Variants in TTC3 observed in about 807,000 individuals in gnomAD.
TTC3 encodes E3 ubiquitin-protein ligase TTC3.
Under a neutral mutation model 249.6 loss-of-function variants are expected in TTC3, and 180 were observed. That is an observed-to-expected ratio of 0.72 (90% CI 0.64 to 0.82). The LOEUF is 0.82. Among genes scored for constraint, TTC3 ranks in the 40% least tolerant of loss-of-function variants. The pLI is 0.00. For synonymous variants in TTC3, 717 were observed against 805.0 expected (o/e 0.89, Z 1.85); for missense variants, 2,061 against 2,398.4 (o/e 0.86, Z 2.94).
chr21:37,136,099 T>C (rs1569018398), intron 18 of TTC3, among the ~76,000 whole-genome samples: 1 of 152,008 alleles, frequency 6.6e-6, no homozygotes, highest in African/African-American at 2.4e-5. Flanking sequence ...ACTTAATAAA[T>C]TGTGTGTGTG....
intron 39 of TTC3, among the ~76,000 whole-genome samples, 169 bp from the exon 40 acceptor site, chr21:37,191,165 G>A (rs1329403436): frequency 1.3e-5 from 2 of 152,230 alleles, no homozygotes; most frequent in African/African-American, 2.4e-5. Context: ...TTTCTAAAGT[G>A]TCTCTAGTGG....
chr21:37,184,629 ATTTTTT>A (rs765134090), intron 36 of TTC3, among the ~76,000 whole-genome samples: 1 of 121,580 alleles, frequency 8.2e-6, no homozygotes, highest in African/African-American at 3.0e-5. Context: ...TAATTTTTCT[ATTTTTT>A]TTTTTTTTTT....
intron 27 of TTC3, among the ~76,000 whole-genome samples, chr21:37,154,220 GC>G (rs1792937032): frequency 6.6e-6 from 1 of 152,232 alleles, no homozygotes; most frequent in Non-Finnish European, 1.5e-5. Context: ...CGGGAAAAAG[GC>G]AGGGCCTTTA....
chr21:37,151,821 T>G, intron 25 of TTC3, 72 bp from the exon 26 acceptor site: 1 of 1,443,580 alleles, frequency 6.9e-7, no homozygotes, highest in Non-Finnish European at 9.1e-7. Context: ...ATATATTGCT[T>G]GGAAGATGGT....
chr21:37,138,419 C>G (rs2078151430), intron 18 of TTC3, among the ~76,000 whole-genome samples: 1 of 152,158 alleles, frequency 6.6e-6, no homozygotes, highest in Admixed American at 6.5e-5. Flanking sequence ...GACAGTGATT[C>G]TGTGTTTTAA....
chr21:37,178,377 C>T (rs1431697092), intron 35 of TTC3, among the ~76,000 whole-genome samples: 3 of 152,110 alleles, frequency 2.0e-5, no homozygotes, highest in Non-Finnish European at 4.4e-5. Flanking sequence ...CACATTTAAG[C>T]GTATGAGGAA....
At chr21:37,120,706 T>G (rs1389843624) in intron 11 of TTC3, among the ~76,000 whole-genome samples, 1 of 152,202 alleles carries the variant, frequency 6.6e-6, no homozygotes, top group African/African-American at 2.4e-5. Context: ...CCAGAACCTT[T>G]AGAGCCACAC....
At chr21:37,091,568 A>ATTGTTTAT (rs2073272431) in intron 7 of TTC3, 155 bp downstream of exon 7, 2 of 190,860 alleles carry the variant, frequency 1.0e-5, no homozygotes, top group East Asian at 2.8e-4. Flanking sequence ...TCTTTTTTTT[A>ATTGTTTAT]TTATTTATTT....
chr21:37,197,176 A>T (rs546221322), intron 42 of TTC3, among the ~76,000 whole-genome samples: 1 of 152,296 alleles, frequency 6.6e-6, no homozygotes, highest in East Asian at 1.9e-4. Flanking sequence ...TTAAAATATG[A>T]TTAGCCAGCA....
At chr21:37,077,617 T>C (rs1248698893) in intron 1 of TTC3, among the ~76,000 whole-genome samples, 1 of 152,274 alleles carries the variant, frequency 6.6e-6, no homozygotes, top group Non-Finnish European at 1.5e-5. Context: ...TCAGACTTAA[T>C]ATTTGCCAAT....
chr21:37,201,464 C>A (rs1255342898), exon 46 of TTC3: 2 of 1,613,944 alleles, frequency 1.2e-6, no homozygotes, highest in South Asian at 2.2e-5. Flanking sequence ...GCTTAAAGGG[C>A]AGAGCGCTTG....
At chr21:37,198,590 A>G (rs1011497370) in intron 44 of TTC3, among the ~76,000 whole-genome samples, 1 of 152,230 alleles carries the variant, frequency 6.6e-6, no homozygotes, top group Non-Finnish European at 1.5e-5. Flanking sequence ...AAAGAAAAAT[A>G]TGTGTTCAAA....
exon 44 of TTC3, chr21:37,197,962 G>A (rs778444438): frequency 1.2e-5 from 20 of 1,613,738 alleles, no homozygotes; most frequent in South Asian, 9.9e-5. Context: ...GCTCACCCTC[G>A]GTGGTTGTTG....
chr21:37,201,723 T>A, exon 46 of TTC3: 1 of 996,580 alleles, frequency 1.0e-6, no homozygotes. Flanking sequence ...ATCGCTGATA[T>A]TAAGTAATTT....
intron 39 of TTC3, 23 bp from the exon 40 acceptor site, chr21:37,191,311 A>G: frequency 6.6e-7 from 1 of 1,524,070 alleles, no homozygotes; most frequent in Non-Finnish European, 8.8e-7. Flanking sequence ...TTTCTAAAGC[A>G]GTTTTATATT....
At chr21:37,130,908 G>A (rs188951604) in intron 16 of TTC3, among the ~76,000 whole-genome samples, 2 of 152,296 alleles carry the variant, frequency 1.3e-5, no homozygotes, top group East Asian at 1.9e-4. Flanking sequence ...ATAATGTATA[G>A]AAGTTGTTTC....
intron 11 of TTC3, among the ~76,000 whole-genome samples, chr21:37,114,024 T>G (rs932030020): frequency 1.3e-5 from 2 of 152,176 alleles, no homozygotes; most frequent in African/African-American, 4.8e-5. Context: ...TTGCACCTTA[T>G]ACAAAAATTA....
At chr21:37,073,566 GC>G in intron 1 of TTC3, 93 bp downstream of exon 1, 1 of 921,162 alleles carries the variant, frequency 1.1e-6, no homozygotes, top group Non-Finnish European at 1.3e-6. Context: ...AGGGGGTGTG[GC>G]CGCCATTGCC....
At chr21:37,078,723 A>T (rs750253886) in intron 1 of TTC3, among the ~76,000 whole-genome samples, 17 of 152,060 alleles carry the variant, frequency 1.1e-4, no homozygotes, top group Non-Finnish European at 2.2e-4. Context: ...TTCTGTGTGG[A>T]TAATTATATC....
Sources: allele counts gnomAD v4.1 joint callset (sites outside exome capture counted in the v4.1 genomes callset), GRCh38; gene constraint gnomAD v4.1.1; transcripts MANE v1.5; gene names NCBI Gene and HGNC (gene_info 2026-07-23, HGNC 2026-07-21).